CDK14: variants seen among roughly 807,000 people sequenced by gnomAD.
The protein encoded by CDK14 is cyclin-dependent kinase 14.
In CDK14, 34 loss-of-function variants were observed where a neutral mutation model predicts 60.7. The ratio of observed to expected loss-of-function variants is 0.56; its 90% CI spans 0.43 to 0.75. CDK14 has a LOEUF of 0.75. Among genes scored for constraint, CDK14 ranks in the 30% least tolerant of loss-of-function variants. The pLI, the probability that CDK14 is intolerant of heterozygous loss-of-function variation, is 0.00. For missense variants in CDK14, 482 were observed against 564.1 expected (o/e 0.85, Z 1.47); for synonymous variants, 197 against 203.7 (o/e 0.97, Z 0.28).
chr7:91,137,797 G>T (rs140691177), intron 14 of CDK14, among the ~76,000 whole-genome samples: 2,424 of 152,138 alleles, frequency 0.016, 32 homozygotes, highest in Middle Eastern at 0.027. Flanking sequence ...TAGAGTAAGA[G>T]TCTTTTGTTC....
Position 90,710,441 on chromosome 7 carries a change from C to T in CDK14, c.124-16126C>T, listed in dbSNP as rs566743127. On this transcript the variant is annotated intron_variant, in intron 2 of 14. Coordinates refer to ENST00000380050, the MANE Select transcript of CDK14 (RefSeq NM_001287135.2). ...GTCCATGAATTTAGCTGGATTGGAT[C>T]TGAGTAGAATAAATATCTCTAATAT... 421 of 985,026 alleles carry T rather than the reference C, an allele frequency of 4.3e-4. 2 individuals carry two copies. The highest frequency in any genetic ancestry group is 4.8e-4 in the Non-Finnish European group (400 of 829,778). The allele number at this position is 985,026 out of a possible 1,614,324, so 61.0% of individuals were successfully genotyped here.
intron 8 of CDK14, among the ~76,000 whole-genome samples, chr7:90,926,968 A>G (rs908224919): frequency 1.3e-5 from 2 of 152,120 alleles, no homozygotes; most frequent in Non-Finnish European, 2.9e-5. Flanking sequence ...CAACTGGGGA[A>G]CAGCCAGATG....
intron 14 of CDK14, among the ~76,000 whole-genome samples, chr7:91,206,098 T>C (rs769716790): frequency 6.6e-6 from 1 of 152,032 alleles, no homozygotes; most frequent in Admixed American, 6.5e-5. Context: ...CCGGCCACTA[T>C]TTTAATGGTT....
intron 2 of CDK14, among the ~76,000 whole-genome samples, chr7:90,656,027 A>G (rs1800744565): frequency 6.6e-6 from 1 of 152,190 alleles, no homozygotes; most frequent in Non-Finnish European, 1.5e-5. Context: ...GGATTAGCCC[A>G]TGTTTTTAAA....
chr7:90,604,481 G>A (rs1799377996), intron 2 of CDK14, among the ~76,000 whole-genome samples: 2 of 152,344 alleles, frequency 1.3e-5, no homozygotes, highest in South Asian at 4.1e-4. Context: ...CTAATTAGAA[G>A]ACACATGCAG....
At chr7:91,145,219 A>T (rs896379773) in intron 14 of CDK14, among the ~76,000 whole-genome samples, 2 of 152,200 alleles carry the variant, frequency 1.3e-5, no homozygotes. Context: ...AATGTATGTG[A>T]AGACCTGTTC....
intron 10 of CDK14, among the ~76,000 whole-genome samples, chr7:91,030,006 G>T (rs1240431963): frequency 1.3e-5 from 2 of 152,098 alleles, no homozygotes; most frequent in African/African-American, 4.8e-5. Context: ...GTATGATGAG[G>T]ATCACCCTTT....
intron 14 of CDK14, among the ~76,000 whole-genome samples, chr7:91,191,042 A>G (rs1277750136): frequency 6.6e-6 from 1 of 152,116 alleles, no homozygotes; most frequent in Non-Finnish European, 1.5e-5. Context: ...AAGTTTACTG[A>G]TCCTCAGTGG....
At chr7:91,171,176 C>T (rs2115801902) in intron 14 of CDK14, among the ~76,000 whole-genome samples, 1 of 152,056 alleles carries the variant, frequency 6.6e-6, no homozygotes, top group East Asian at 2.0e-4. Flanking sequence ...AGTGAAACCC[C>T]ATCTCTACTA....
At chr7:91,079,549 G>T (rs544929388) in intron 12 of CDK14, 69 bp downstream of exon 12, 2 of 1,087,338 alleles carry the variant, frequency 1.8e-6, no homozygotes, top group African/African-American at 3.1e-5. Context: ...CTTCTCATAC[G>T]TTTTTCATGG....
intron 5 of CDK14, among the ~76,000 whole-genome samples, chr7:90,798,638 A>G (rs1788526447): frequency 6.6e-6 from 1 of 152,170 alleles, no homozygotes. Context: ...GCTACTTGCC[A>G]CTCACAGGCT....
chr7:90,772,894 T>C (rs1584876783), intron 4 of CDK14, among the ~76,000 whole-genome samples: 1 of 152,292 alleles, frequency 6.6e-6, no homozygotes, highest in Non-Finnish European at 1.5e-5. Flanking sequence ...GGGAAAAATT[T>C]ACATATGAAA....
At chr7:91,182,638 T>G (rs1399032357) in intron 14 of CDK14, among the ~76,000 whole-genome samples, 1 of 152,086 alleles carries the variant, frequency 6.6e-6, no homozygotes, top group Non-Finnish European at 1.5e-5. Context: ...GTATCTATAT[T>G]TATGAACTCC....
At chr7:90,929,099 G>A (rs755834003) in intron 8 of CDK14, among the ~76,000 whole-genome samples, 6 of 152,158 alleles carry the variant, frequency 3.9e-5, no homozygotes, top group South Asian at 2.1e-4. Flanking sequence ...GGAGTGTCTC[G>A]ATTTTCCATT....
intron 8 of CDK14, among the ~76,000 whole-genome samples, chr7:90,919,167 A>T (rs898642874): frequency 1.3e-5 from 2 of 152,184 alleles, no homozygotes; most frequent in Non-Finnish European, 2.9e-5. Context: ...GGAAATGAAA[A>T]AGGATTTATA....
intron 5 of CDK14, among the ~76,000 whole-genome samples, chr7:90,835,583 G>A (rs1790066822): frequency 6.6e-6 from 1 of 152,126 alleles, no homozygotes; most frequent in Non-Finnish European, 1.5e-5. Flanking sequence ...AGGTAAATGT[G>A]ACATGATCCT....
intron 2 of CDK14, among the ~76,000 whole-genome samples, chr7:90,677,046 A>G (rs915392468): frequency 6.6e-6 from 1 of 152,180 alleles, no homozygotes; most frequent in African/African-American, 2.4e-5. Flanking sequence ...TAACTTTGAC[A>G]TAGACCATTT....
rs192598053 is a variant in CDK14 at position 91,138,681 on chromosome 7, A to G, written c.*28+20473A>G. Among the ~76,000 whole-genome samples the G allele has an allele frequency of 2.0e-5, 3 of 152,184 alleles. No individual in the cohort carries two copies. In the East Asian group the frequency reaches 5.8e-4, roughly 29 times the overall value. Reference sequence around the variant, plus strand: ...GGTGATAATTTTGTAGCATGAATAGATTTTATATATATTAATGACAGCTGA... The same window carrying G: ...GGTGATAATTTTGTAGCATGAATAGGTTTTATATATATTAATGACAGCTGA... On this transcript the variant is annotated intron_variant, in intron 14 of 14. Coordinates refer to ENST00000380050, the MANE Select transcript of CDK14 (RefSeq NM_001287135.2).
chr7:90,990,929 A>G (rs1317618635), intron 10 of CDK14, among the ~76,000 whole-genome samples: 2 of 152,206 alleles, frequency 1.3e-5, no homozygotes, highest in Admixed American at 6.5e-5. Context: ...CACTGTGACT[A>G]TGGTGGTAAA....
Sources: allele counts gnomAD v4.1 joint callset (sites outside exome capture counted in the v4.1 genomes callset), GRCh38; gene constraint gnomAD v4.1.1; transcripts MANE v1.5; gene names NCBI Gene and HGNC (gene_info 2026-07-23, HGNC 2026-07-21).